OGDHL: variants seen among roughly 807,000 people sequenced by gnomAD.
The protein encoded by OGDHL is 2-oxoglutarate dehydrogenase-like, mitochondrial.
Under a neutral mutation model 109.6 loss-of-function variants are expected in OGDHL, and 79 were observed. That is an observed-to-expected ratio of 0.72 (90% confidence interval 0.60 to 0.87). The LOEUF is 0.87. Ranked by LOEUF, OGDHL falls within the 40% of genes least tolerant of loss-of-function variation. OGDHL has a pLI of 0.00. For missense variants in OGDHL, 1,275 were observed against 1,362.2 expected (o/e 0.94, Z 1.01); for synonymous variants, 528 against 537.2 (o/e 0.98, Z 0.24).
rs370578350 is a variant in OGDHL at position 49,735,331 on chromosome 10, G to C, written c.2930C>G (p.Ala977Gly). 2 of 1,613,314 alleles carry C rather than the reference G, an allele frequency of 1.2e-6. No individual in the cohort carries two copies. Among genetic ancestry groups the C allele is most frequent in the South Asian group, 1.1e-5 (1 of 90,982 alleles). The change falls in exon 23 of 23, where the codon GCG becomes GGG. Residue 977 changes from alanine to glycine, a missense_variant. Coordinates refer to ENST00000374103, the MANE Select transcript of OGDHL (RefSeq NM_018245.3). ...RPIWYVGRDPAAAPATGNRNT... is the reference protein window; with the variant it reads ...RPIWYVGRDPGAAPATGNRNT... ...CCTGTTTCCTGTGGCTGGTGCAGCC[G>C]CTGGGTCCCGGCCAACATACCTGGA...
At chr10:49,745,215 G>T in intron 12 of OGDHL, 129 bp downstream of exon 12, 1 of 1,225,534 alleles carries the variant, frequency 8.2e-7, no homozygotes, top group Non-Finnish European at 1.1e-6. Context: ...GGCCTCTTGG[G>T]GACAAGGACC....
chr10:49,745,954 T>G lies in OGDHL; in HGVS notation c.1320A>C (p.Arg440=), dbSNP rs1564539799. The change falls in exon 11 of 23, where the codon CGA becomes CGC. Residue 440 remains arginine, a synonymous_variant. Coordinates refer to ENST00000374103, the MANE Select transcript of OGDHL (RefSeq NM_018245.3). The part of the protein sequence containing the change: ...NNQIGFTTDP[R]MARSSPYPTD... ...TCGGGTATGGTGAGGAGCGGGCCATTCGGGGGTCTGTGGTGAATCCAATCT... is the reference window on the plus strand; with the variant it reads ...TCGGGTATGGTGAGGAGCGGGCCATGCGGGGGTCTGTGGTGAATCCAATCT... 6.2e-7 allele frequency: 1 copy of G among 1,614,136 alleles called. No individual in the cohort carries two copies. The highest frequency in any genetic ancestry group is 8.5e-7 in the Non-Finnish European group (1 of 1,180,014).
chr10:49,751,845 C>G lies in OGDHL; in HGVS notation c.731G>C (p.Arg244Pro). 1 of 1,613,918 alleles carries G rather than the reference C, an allele frequency of 6.2e-7. No homozygotes were observed. The highest frequency in any genetic ancestry group is 8.5e-7 in the Non-Finnish European group (1 of 1,179,984). ...SSEEKRTLLA[R>P]LVRSMRFEDF... ...TGCCAACCTCATGGAGCGCACTAGC[C>G]GGGCCAGCAGGGTCCGCTTCTCCTC... Residue 244 changes from arginine to proline, a missense_variant, in exon 6 of 23, where the codon CGG (arginine) becomes CCG (proline). Coordinates refer to ENST00000374103, the MANE Select transcript of OGDHL (RefSeq NM_018245.3).
At chr10:49,759,235 G>A (rs1490738917) in intron 1 of OGDHL, among the ~76,000 whole-genome samples, 1 of 152,144 alleles carries the variant, frequency 6.6e-6, no homozygotes, top group Non-Finnish European at 1.5e-5. Flanking sequence ...CCAGCCAGAA[G>A]GCTGGTGACA....
At chr10:49,754,183 G>A (rs1307757766) in intron 3 of OGDHL, among the ~76,000 whole-genome samples, 1 of 152,162 alleles carries the variant, frequency 6.6e-6, no homozygotes, top group Admixed American at 6.5e-5. Context: ...TTCTGGAATA[G>A]GCAGAAATGT....
At chr10:49,743,317 C>G (rs897881256) in intron 14 of OGDHL, among the ~76,000 whole-genome samples, 1 of 152,210 alleles carries the variant, frequency 6.6e-6, no homozygotes, top group African/African-American at 2.4e-5. Flanking sequence ...TCCTGTCAGC[C>G]CCACACACAG....
At chr10:49,753,457 T>A (rs982924825) in intron 3 of OGDHL, among the ~76,000 whole-genome samples, 36 of 152,102 alleles carry the variant, frequency 2.4e-4, no homozygotes, top group African/African-American at 8.2e-4. Context: ...GTGAAATGAA[T>A]CAAATGAATA....
intron 1 of OGDHL, among the ~76,000 whole-genome samples, 152 bp downstream of exon 1, chr10:49,762,087 T>TTCCTCC (rs1489598070): frequency 1.3e-5 from 2 of 151,916 alleles, no homozygotes; most frequent in African/African-American, 4.8e-5. Flanking sequence ...TCACAGTCTG[T>TTCCTCC]TCCTCCTCCC....
intron 20 of OGDHL, among the ~76,000 whole-genome samples, chr10:49,737,301 G>A (rs548379406): frequency 6.6e-6 from 1 of 152,172 alleles, no homozygotes; most frequent in African/African-American, 2.4e-5. Flanking sequence ...TTCCAAGACA[G>A]CTCTGCTCCA....
At position 49,742,899 on chromosome 10, in the gene OGDHL, G is replaced by T. The variant is rs777608352; in HGVS notation, c.1941C>A (p.Ala647=). ...TVDWALAEYM[A]FGSLLKEGIH... ...TGCCTTCCTTCAGCAGGGAGCCAAA[G>T]GCCATGTACTCTGCCAACGCCCAGT... Residue 647 remains alanine (A), a synonymous_variant, in exon 15 of 23, where the codon GCC becomes GCA. Transcript: ENST00000374103. 2.5e-6 allele frequency: 4 copies of T among 1,614,058 alleles called. No individual in the cohort carries two copies. In the South Asian group the frequency reaches 4.4e-5, roughly 18 times the overall value.
intron 15 of OGDHL, among the ~76,000 whole-genome samples, chr10:49,742,497 ATACCACACAC>A: frequency 6.3e-4 from 5 of 7,882 alleles, no homozygotes; most frequent in African/African-American, 1.4e-3. Context: ...CACTCACCAC[ATACCACACAC>A]CACATACACA....
At chr10:49,760,592 C>A (rs1188758000) in intron 1 of OGDHL, among the ~76,000 whole-genome samples, 1 of 152,214 alleles carries the variant, frequency 6.6e-6, no homozygotes, top group Non-Finnish European at 1.5e-5. Flanking sequence ...TCAAGACCAT[C>A]GTCATGGGAA....
At chr10:49,745,266 G>C in intron 12 of OGDHL, 78 bp downstream of exon 12, 4 of 1,550,180 alleles carry the variant, frequency 2.6e-6, no homozygotes, top group Non-Finnish European at 3.5e-6. Flanking sequence ...CCAGCACTGG[G>C]CTGGTAACAT....
At chr10:49,761,106 G>A (rs1843246342) in intron 1 of OGDHL, among the ~76,000 whole-genome samples, 2 of 152,138 alleles carry the variant, frequency 1.3e-5, no homozygotes, top group African/African-American at 4.8e-5. Context: ...TAGAGCCAGA[G>A]CCCAAGCCAG....
chr10:49,737,254 G>A (rs1050355705), intron 20 of OGDHL, among the ~76,000 whole-genome samples: 3 of 152,142 alleles, frequency 2.0e-5, no homozygotes, highest in Admixed American at 6.5e-5. Context: ...CCATGCTGAG[G>A]CCCTTCCCAG....
intron 20 of OGDHL, 36 bp downstream of exon 20, chr10:49,737,750 T>G: frequency 1.9e-6 from 3 of 1,612,354 alleles, no homozygotes; most frequent in Non-Finnish European, 2.5e-6. Context: ...ACCGCCCCAT[T>G]GTGGGCTACC....
chr10:49,742,580 C>G (rs992231642), intron 15 of OGDHL, among the ~76,000 whole-genome samples: 10 of 148,176 alleles, frequency 6.7e-5, no homozygotes, highest in African/African-American at 2.6e-4. Context: ...ACCCCCCACA[C>G]ACACATGATC....
At chr10:49,752,974 G>C (rs1022162703) in intron 3 of OGDHL, among the ~76,000 whole-genome samples, 1 of 152,234 alleles carries the variant, frequency 6.6e-6, no homozygotes, top group African/African-American at 2.4e-5. Flanking sequence ...ACAGGAAAAA[G>C]ACCTATGCAC....
intron 3 of OGDHL, among the ~76,000 whole-genome samples, chr10:49,754,729 A>G (rs1354301522): frequency 1.3e-5 from 2 of 152,130 alleles, no homozygotes; most frequent in Non-Finnish European, 2.9e-5. Context: ...TCTAATTGTC[A>G]AAGTACAGAA....
Sources: allele counts gnomAD v4.1 joint callset (sites outside exome capture counted in the v4.1 genomes callset), GRCh38; gene constraint gnomAD v4.1.1; transcripts MANE v1.5; gene names NCBI Gene and HGNC (gene_info 2026-07-23, HGNC 2026-07-21).